Variants in BLTP1 observed in about 807,000 individuals in gnomAD.
BLTP1 encodes fragile site-associated protein.
the BLTP1 span, among the ~76,000 whole-genome samples, chr4:122,212,756 ATTG>A: frequency 1.3e-5 from 2 of 152,164 alleles, no homozygotes; most frequent in Non-Finnish European, 2.9e-5. Flanking sequence ...CTGATAGGTT[ATTG>A]TTTTCATACA....
chr4:122,174,152 T>G, the BLTP1 span: 6 of 973,498 alleles, frequency 6.2e-6, no homozygotes, highest in Non-Finnish European at 7.3e-6. Context: ...GCCTTATAAT[T>G]GAGTACCTTT....
At chr4:122,272,430 T>G in the BLTP1 span, 1 of 1,566,944 alleles carries the variant, frequency 6.4e-7, no homozygotes, top group Non-Finnish European at 8.8e-7. Context: ...TCTAATAAAG[T>G]GCTATGTATA....
chr4:122,219,279 A>T, the BLTP1 span: 1 of 1,569,380 alleles, frequency 6.4e-7, no homozygotes, highest in Non-Finnish European at 8.6e-7. Flanking sequence ...TTAGGCTCAT[A>T]GGTGAAAATA....
the BLTP1 span, among the ~76,000 whole-genome samples, chr4:122,195,135 A>T: frequency 7.2e-5 from 11 of 152,184 alleles, no homozygotes; most frequent in African/African-American, 1.9e-4. Flanking sequence ...AAGAAATCTC[A>T]GCTGTTTTGC....
the BLTP1 span, chr4:122,231,763 C>T: frequency 4.1e-6 from 4 of 973,704 alleles, no homozygotes; most frequent in Non-Finnish European, 3.7e-6. Context: ...GGAGATAAAT[C>T]GACATATTCA....
the BLTP1 span, among the ~76,000 whole-genome samples, chr4:122,158,588 A>G: frequency 6.6e-6 from 1 of 152,082 alleles, no homozygotes; most frequent in Non-Finnish European, 1.5e-5. Context: ...TAACACGGTG[A>G]AACCCCACCT....
chr4:122,316,987 G>T, the BLTP1 span: 4 of 589,184 alleles, frequency 6.8e-6, no homozygotes, highest in Non-Finnish European at 1.1e-5. Flanking sequence ...TATCACCAGG[G>T]TCCAGAGTTG....
chr4:122,229,054 A>T, the BLTP1 span: 1 of 1,324,778 alleles, frequency 7.5e-7, no homozygotes, highest in South Asian at 1.8e-5. Context: ...TTTAAAGAAG[A>T]TGACTTAAGT....
the BLTP1 span, chr4:122,350,141 A>C: frequency 6.6e-7 from 1 of 1,522,888 alleles, no homozygotes; most frequent in Non-Finnish European, 8.8e-7. Context: ...TTTTTAATTT[A>C]AAATAATAAT....
At chr4:122,315,768 G>A in the BLTP1 span, 2 of 1,253,932 alleles carry the variant, frequency 1.6e-6, no homozygotes, top group South Asian at 1.3e-5. Context: ...GTGTTATTTA[G>A]TATATTATAG....
At chr4:122,289,931 A>C in the BLTP1 span, 1 of 326,276 alleles carries the variant, frequency 3.1e-6, no homozygotes, top group Non-Finnish European at 4.4e-6. Flanking sequence ...ACTGTAGTCT[A>C]AAGGATCAGA....
the BLTP1 span, among the ~76,000 whole-genome samples, chr4:122,287,934 G>A: frequency 1.3e-5 from 2 of 151,866 alleles, no homozygotes; most frequent in African/African-American, 4.8e-5. Context: ...GAAAATACAC[G>A]AATACAGTGT....
chr4:122,226,890 G>T, the BLTP1 span: 1 of 1,361,878 alleles, frequency 7.3e-7, no homozygotes. Context: ...TTTAAAAAAT[G>T]GAATATTGAG....
chr4:122,222,058 A>G, the BLTP1 span: 1 of 223,284 alleles, frequency 4.5e-6, no homozygotes, highest in Non-Finnish European at 7.5e-6. Flanking sequence ...TTCATGGAGT[A>G]GAGATACCAA....
the BLTP1 span, chr4:122,207,506 T>C: frequency 6.5e-7 from 1 of 1,537,450 alleles, no homozygotes; most frequent in East Asian, 2.3e-5. Context: ...GTAAATTTAC[T>C]TTTTCTTCTT....
At chr4:122,195,591 G>C in the BLTP1 span, 28 of 188,330 alleles carry the variant, frequency 1.5e-4, no homozygotes, top group Non-Finnish European at 2.7e-4. Flanking sequence ...AGATAGTGAA[G>C]CTACAGCATG....
At chr4:122,201,134 T>G in the BLTP1 span, 1 of 1,600,450 alleles carries the variant, frequency 6.2e-7, no homozygotes, top group Non-Finnish European at 8.5e-7. Context: ...CAGGTAATTT[T>G]CTAATAGATA....
chr4:122,162,730 AACAAC>A, the BLTP1 span: 10 of 835,710 alleles, frequency 1.2e-5, no homozygotes, highest in African/African-American at 2.2e-4. Flanking sequence ...TTATAACAAC[AACAAC>A]AAAAAAAAAA....
At chr4:122,282,231 TATATC>T in the BLTP1 span, 2 of 239,554 alleles carry the variant, frequency 8.3e-6, no homozygotes, top group Non-Finnish European at 1.3e-5. Flanking sequence ...ATTTATGAAA[TATATC>T]ATGTATACAA....
Sources: gnomAD v4.1 joint callset for allele counts (sites outside exome capture counted in the v4.1 genomes callset) on GRCh38, gnomAD v4.1.1 for gene constraint, MANE v1.5 for transcripts, NCBI Gene and HGNC (gene_info 2026-07-23, HGNC 2026-07-21) for gene names.